ARSF: variants seen among roughly 807,000 people sequenced by gnomAD.
ARSF encodes arylsulfatase F.
In ARSF, 33 loss-of-function variants were observed where a neutral mutation model predicts 35.4. The observed-to-expected ratio is 0.93, with a 90% confidence interval of 0.71 to 1.25. ARSF has a LOEUF of 1.25. ARSF is among the 50% of genes most tolerant of loss of function. The probability of loss-of-function intolerance (pLI) is 0.00; values close to 1 mark genes in which losing one functional copy is unlikely to be tolerated. For missense variants in ARSF, 501 were observed against 480.2 expected, an observed-to-expected ratio of 1.04 and a Z score of -0.40; for synonymous variants, 222 against 193.1, an observed-to-expected ratio of 1.15 and a Z score of -1.24.
intron 1 of ARSF, among the ~76,000 whole-genome samples, chrX:3,063,463 G>A (rs147164636): frequency 0.061 from 6,781 of 111,122 alleles, 266 homozygotes; most frequent in African/African-American, 0.14. Flanking sequence ...AGGGCAATCA[G>A]GCAAGAGAAA....
At chrX:3,109,381 C>A (rs2090429767) in intron 9 of ARSF, among the ~76,000 whole-genome samples, 1 of 111,516 alleles carries the variant, frequency 9.0e-6, no homozygotes, top group Non-Finnish European at 1.9e-5. Context: ...CATTACAAAG[C>A]AGGTTTTATT....
chrX:3,065,074 G>A (rs1713490606), intron 1 of ARSF, among the ~76,000 whole-genome samples: 1 of 111,300 alleles, frequency 9.0e-6, no homozygotes, highest in African/African-American at 3.3e-5. Flanking sequence ...AGAAAACCTG[G>A]CACATAGACA....
In ARSF at chrX:3,112,429, C is replaced by T. The variant is rs2090453323; in HGVS notation, c.1646C>T (p.Thr549Ile). The stretch of plus-strand genomic sequence containing the variant: ...CACCAGGAAACCATCGTGCCTGTGA[C>T]CTACCAACTCTCAGAACTGAATCAG... ...KEHQETIVPV[T>I]YQLSELNQGR... The change falls in exon 11 of 11, where the codon ACC (threonine) becomes ATC (isoleucine). Residue 549 changes from threonine to isoleucine, a missense_variant. Coordinates refer to ENST00000381127, the MANE Select transcript of ARSF (RefSeq NM_001201539.2). 8.3e-7 allele frequency: 1 copy of T among 1,209,557 alleles called. No homozygotes were observed. Among genetic ancestry groups the T allele is most frequent in the African/African-American group, 1.8e-5 (1 of 57,041 alleles).
At chrX:3,065,401 T>G (rs947252766) in intron 1 of ARSF, among the ~76,000 whole-genome samples, 1 of 108,756 alleles carries the variant, frequency 9.2e-6, no homozygotes, top group Non-Finnish European at 1.9e-5. Context: ...GCCTGCATGT[T>G]GTGCACATGT....
chrX:3,060,152 G>A (rs1326399131), intron 1 of ARSF, among the ~76,000 whole-genome samples: 1 of 112,177 alleles, frequency 8.9e-6, no homozygotes, highest in Non-Finnish European at 1.9e-5. Flanking sequence ...GCCTCCACTG[G>A]TGATATCCAG....
rs1254967538 is a variant in ARSF at position 3,084,386 on chromosome X, G to A, written c.550G>A (p.Ala184Thr). Residue 184 changes from alanine (A) to threonine (T), a missense_variant, in exon 6 of 11, where the codon GCC (alanine) becomes ACC (threonine). Transcript: ENST00000381127. ...GGACCCCTCTCGTAACACGGAATTA[G>A]CCTTTGAGAGTCAGCTCTGGCTCTG... is the stretch of plus-strand genomic sequence containing the variant. ...WPDPSRNTEL[A>T]FESQLWLCVQ... The A allele has an allele frequency of 8.3e-7, 1 of 1,211,772 alleles. No individual in the cohort carries two copies. Among genetic ancestry groups the A allele is most frequent in the Non-Finnish European group, 1.1e-6 (1 of 895,567 alleles).
At chrX:3,083,222 T>A (rs1216569685) in intron 5 of ARSF, among the ~76,000 whole-genome samples, 1 of 111,347 alleles carries the variant, frequency 9.0e-6, no homozygotes, top group African/African-American at 3.3e-5. Context: ...TTTATTTGTA[T>A]CTATCATATT....
intron 2 of ARSF, among the ~76,000 whole-genome samples, chrX:3,071,137 G>A (rs6655016): frequency 1.8e-5 from 2 of 111,195 alleles, no homozygotes; most frequent in South Asian, 3.8e-4. Context: ...AAAGAAATGC[G>A]CTCTTGGCTT....
intron 5 of ARSF, among the ~76,000 whole-genome samples, chrX:3,083,494 C>G (rs2090218963): frequency 4.4e-5 from 2 of 45,276 alleles, no homozygotes; most frequent in Admixed American, 5.3e-4. Context: ...ATCTATCTAT[C>G]TATCTATCTA....
rs2090272841 is a variant in ARSF at position 3,089,485 on chromosome X, T to C, written c.831-11T>C. ...GAAAACTCACAAGTAGTTTCATTGATGTCTTCTCAGGCACAGTAAGGAAAC... is the reference window on the plus strand; with the variant it reads ...GAAAACTCACAAGTAGTTTCATTGACGTCTTCTCAGGCACAGTAAGGAAAC... On this transcript the variant is annotated splice_polypyrimidine_tract_variant and intron_variant, in intron 6 of 10. Coordinates refer to ENST00000381127, the MANE Select transcript of ARSF (RefSeq NM_001201539.2). 8.3e-7 allele frequency: 1 copy of C among 1,208,647 alleles called. No individual in the cohort carries two copies. Among genetic ancestry groups the C allele is most frequent in the Non-Finnish European group, 1.1e-6 (1 of 894,300 alleles).
chrX:3,042,524 C>T (rs1252944260), intron 1 of ARSF, among the ~76,000 whole-genome samples: 1 of 110,649 alleles, frequency 9.0e-6, no homozygotes, highest in Non-Finnish European at 1.9e-5. Flanking sequence ...TGAGATGGAG[C>T]CTCGCTCTGT....
intron 1 of ARSF, among the ~76,000 whole-genome samples, chrX:3,044,797 T>C (rs1295582410): frequency 9.2e-6 from 1 of 109,253 alleles, no homozygotes; most frequent in Admixed American, 1.0e-4. Flanking sequence ...GCTGGTCTGG[T>C]CCTTATGGGC....
Position 3,101,075 on chromosome X carries a change from A to G in ARSF, c.968-12A>G, listed in dbSNP as rs1303627618. On this transcript the variant is annotated splice_polypyrimidine_tract_variant and intron_variant, in intron 7 of 10. Coordinates refer to ENST00000381127, the MANE Select transcript of ARSF (RefSeq NM_001201539.2). ...GTCATTATTTTTACTTGTCTCTTGT[A>G]TATTATTTTAGGCAAGATTCTTGAT... 1 of 1,206,079 alleles carries G rather than the reference A, an allele frequency of 8.3e-7. No homozygotes were observed. The highest frequency in any genetic ancestry group is 3.0e-5 in the East Asian group (1 of 33,716).
At chrX:3,097,059 G>C (rs180977917) in intron 7 of ARSF, among the ~76,000 whole-genome samples, 1 of 111,621 alleles carries the variant, frequency 9.0e-6, no homozygotes, top group East Asian at 2.8e-4. Flanking sequence ...GAGAGAGAGA[G>C]TGACTCTGCC....
intron 1 of ARSF, chrX:3,058,410 T>C (rs1382802118): frequency 6.1e-6 from 1 of 163,413 alleles, no homozygotes; most frequent in Non-Finnish European, 1.2e-5. Flanking sequence ...GTAGTGCAGA[T>C]ACTTGATCAG....
At chrX:3,071,597 C>G (rs1439029683) in intron 2 of ARSF, among the ~76,000 whole-genome samples, 1 of 110,802 alleles carries the variant, frequency 9.0e-6, no homozygotes, top group Non-Finnish European at 1.9e-5. Context: ...AGCCACCACA[C>G]CCGGCCGCAA....
At chrX:3,065,687 G>A (rs2090062585) in intron 1 of ARSF, among the ~76,000 whole-genome samples, 1 of 108,997 alleles carries the variant, frequency 9.2e-6, no homozygotes, top group African/African-American at 3.3e-5. Context: ...TTCATTTTAG[G>A]GAATAAGTTC....
At chrX:3,042,502 A>G (rs920307851) in intron 1 of ARSF, among the ~76,000 whole-genome samples, 3 of 111,052 alleles carry the variant, frequency 2.7e-5, no homozygotes, top group Non-Finnish European at 5.7e-5. Flanking sequence ...ATGTTTATTT[A>G]TTTATATTTT....
intron 1 of ARSF, among the ~76,000 whole-genome samples, chrX:3,057,276 A>G (rs935323995): frequency 1.3e-4 from 15 of 112,121 alleles, no homozygotes; most frequent in Middle Eastern, 4.2e-3. Flanking sequence ...AAATGCAGGG[A>G]GCACTTTTGC....
Sources: gnomAD v4.1 joint callset for allele counts (sites outside exome capture counted in the v4.1 genomes callset) on GRCh38, gnomAD v4.1.1 for gene constraint, MANE v1.5 for transcripts, NCBI Gene and HGNC (gene_info 2026-07-23, HGNC 2026-07-21) for gene names.